The following APBA2 variants were observed in gnomAD, a reference collection of about 807,000 sequenced individuals.
The protein encoded by APBA2 is amyloid beta precursor protein binding family A member 2.
In APBA2, 30 loss-of-function variants were observed where a neutral mutation model predicts 75.0. The ratio of observed to expected loss-of-function variants is 0.40; its 90% CI spans 0.30 to 0.54. APBA2 has a LOEUF of 0.54. APBA2 is among the 20% of genes least tolerant of loss of function. The pLI is 0.49. For missense variants in APBA2, 801 were observed against 1,016.1 expected, an observed-to-expected ratio of 0.79 and a Z score of 2.88; for synonymous variants, 444 against 409.6, an observed-to-expected ratio of 1.08 and a Z score of -1.01.
intron 1 of APBA2, among the ~76,000 whole-genome samples, chr15:28,894,584 G>T (rs36174459): frequency 6.6e-6 from 1 of 152,152 alleles, no homozygotes; most frequent in Non-Finnish European, 1.5e-5. Flanking sequence ...GGGCACAGGG[G>T]GGACTATGTG....
At chr15:28,938,560 G>A (rs144805606) in intron 2 of APBA2, among the ~76,000 whole-genome samples, 44 of 152,312 alleles carry the variant, frequency 2.9e-4, no homozygotes, top group African/African-American at 9.9e-4. Context: ...CCAGGCTGGA[G>A]TGCAGGGGTG....
chr15:29,057,864 TCAA>T (rs918621251), intron 4 of APBA2, among the ~76,000 whole-genome samples: 3 of 152,202 alleles, frequency 2.0e-5, no homozygotes, highest in African/African-American at 7.2e-5. Context: ...ATGCCGTACA[TCAA>T]CGTTGACCAT....
intron 1 of APBA2, among the ~76,000 whole-genome samples, chr15:28,904,554 C>T (rs2033040945): frequency 6.6e-6 from 1 of 152,182 alleles, no homozygotes; most frequent in South Asian, 2.1e-4. Flanking sequence ...TTTTATTACC[C>T]ACTGACAGTG....
intron 3 of APBA2, among the ~76,000 whole-genome samples, chr15:29,049,635 C>T (rs554611153): frequency 6.6e-6 from 1 of 152,294 alleles, no homozygotes; most frequent in South Asian, 2.1e-4. Context: ...AGATGACCAC[C>T]CTGACTGCCT....
intron 1 of APBA2, among the ~76,000 whole-genome samples, chr15:28,887,770 C>T (rs2031850691): frequency 6.6e-6 from 1 of 152,194 alleles, no homozygotes; most frequent in African/African-American, 2.4e-5. Flanking sequence ...GTGCCGGCAG[C>T]CTTCCCTCGG....
chr15:29,038,128 G>C (rs994905827), intron 3 of APBA2, among the ~76,000 whole-genome samples: 2 of 152,192 alleles, frequency 1.3e-5, no homozygotes, highest in East Asian at 1.9e-4. Flanking sequence ...CTCTAGCCAA[G>C]GCAGCTGGTG....
chr15:28,987,248 A>G (rs1027196189), intron 2 of APBA2, among the ~76,000 whole-genome samples: 1 of 152,232 alleles, frequency 6.6e-6, no homozygotes, highest in Non-Finnish European at 1.5e-5. Context: ...ATTTCTGTGT[A>G]ACATATTATG....
chr15:28,944,055 G>A (rs1408979117), intron 2 of APBA2, among the ~76,000 whole-genome samples: 1 of 151,914 alleles, frequency 6.6e-6, no homozygotes, highest in African/African-American at 2.4e-5. Context: ...CTCCACCCTG[G>A]CCTACTCTTC....
chr15:28,955,552 T>C (rs961561024), intron 2 of APBA2, among the ~76,000 whole-genome samples: 3 of 152,224 alleles, frequency 2.0e-5, no homozygotes, highest in Non-Finnish European at 4.4e-5. Context: ...AGAAATGTTA[T>C]TGTAGTTGCT....
At chr15:29,087,688 A>G (rs2043350570) in intron 6 of APBA2, among the ~76,000 whole-genome samples, 1 of 152,122 alleles carries the variant, frequency 6.6e-6, no homozygotes, top group Non-Finnish European at 1.5e-5. Context: ...AGAAGGTCTC[A>G]CTTGAGACGC....
chr15:29,079,868 C>T (rs941144433), intron 6 of APBA2, among the ~76,000 whole-genome samples: 3 of 152,210 alleles, frequency 2.0e-5, no homozygotes, highest in Non-Finnish European at 2.9e-5. Context: ...TCTGAACCCT[C>T]GTTGGGGCCT....
In APBA2 at chr15:29,105,553, A is replaced by G; in HGVS notation, c.1699A>G (p.Lys567Glu). The G allele has an allele frequency of 6.2e-7, 1 of 1,613,398 alleles. No homozygotes were observed. The highest frequency in any genetic ancestry group is 8.5e-7 in the Non-Finnish European group (1 of 1,180,010). ...LIHFSNSENC[K>E]ELQLEKHKGE... ...CCACTTCTCAAACTCGGAGAACTGC[A>G]AGGAGGTAAGCCACACCCACCAGCC... is the stretch of plus-strand genomic sequence containing the variant. Residue 567 changes from lysine (K) to glutamate (E), a missense_variant, in exon 11 of 15, where the codon AAG becomes GAG. Transcript: ENST00000683413.
chr15:29,096,108 G>A (rs537747613), intron 8 of APBA2, among the ~76,000 whole-genome samples: 3 of 152,332 alleles, frequency 2.0e-5, no homozygotes, highest in African/African-American at 7.2e-5. Context: ...TTTGGAAAGT[G>A]GGATGCTCAG....
chr15:29,008,994 C>T (rs2039269344), intron 3 of APBA2, among the ~76,000 whole-genome samples: 1 of 152,228 alleles, frequency 6.6e-6, no homozygotes, highest in South Asian at 2.1e-4. Context: ...CCGGCAGGCT[C>T]TTCCTCCCAG....
At chr15:28,952,897 C>G (rs1019018641) in intron 2 of APBA2, among the ~76,000 whole-genome samples, 7 of 152,194 alleles carry the variant, frequency 4.6e-5, no homozygotes, top group Non-Finnish European at 5.9e-5. Context: ...GTGATTTTTG[C>G]TAATTTCAAG....
chr15:29,031,840 T>C (rs2152845513), intron 3 of APBA2, among the ~76,000 whole-genome samples: 1 of 152,306 alleles, frequency 6.6e-6, no homozygotes, highest in Admixed American at 6.5e-5. Context: ...ACAGAAAAGT[T>C]CTCCAAGTCC....
intron 3 of APBA2, among the ~76,000 whole-genome samples, chr15:29,037,646 AGG>A (rs1205040535): frequency 6.6e-6 from 1 of 152,108 alleles, no homozygotes; most frequent in African/African-American, 2.4e-5. Context: ...TCCTTGTTAG[AGG>A]GTGTGTTTGT....
chr15:28,894,315 T>C (rs1364019328), intron 1 of APBA2, among the ~76,000 whole-genome samples: 1 of 152,200 alleles, frequency 6.6e-6, no homozygotes, highest in Non-Finnish European at 1.5e-5. Context: ...AGCTTTCTTG[T>C]TCCCAGTTTA....
At chr15:29,041,698 C>T (rs185890459) in intron 3 of APBA2, among the ~76,000 whole-genome samples, 11 of 152,094 alleles carry the variant, frequency 7.2e-5, no homozygotes, top group Admixed American at 7.2e-4. Flanking sequence ...CCCAAATCGA[C>T]CTATAGATTC....
Sources: allele counts gnomAD v4.1 joint callset (sites outside exome capture counted in the v4.1 genomes callset), GRCh38; gene constraint gnomAD v4.1.1; transcripts MANE v1.5; gene names NCBI Gene and HGNC (gene_info 2026-07-23, HGNC 2026-07-21).